Variants in GPR12 observed in about 807,000 individuals in gnomAD.
GPR12 encodes the protein G protein-coupled receptor 12.
In GPR12, 7 loss-of-function variants were observed where a neutral mutation model predicts 18.9. The ratio of observed to expected loss-of-function variants is 0.37; its 90% confidence interval spans 0.21 to 0.70. GPR12 has a LOEUF of 0.70. GPR12 is among the 30% of genes least tolerant of loss of function. The pLI, the probability that GPR12 is intolerant of heterozygous loss-of-function variation, is 0.54. For synonymous variants in GPR12, 201 were observed against 188.6 expected (o/e 1.07, Z -0.54); for missense variants, 327 against 427.7 (o/e 0.76, Z 2.08).
At position 26,756,634 on chromosome 13, in the gene GPR12, A is replaced by G. The variant is rs1414061046; in HGVS notation, c.*2189T>C. 6.6e-6 allele frequency: 1 copy of G among 152,212 alleles called. No homozygotes were observed. The highest frequency in any genetic ancestry group is 1.5e-5 in the Non-Finnish European group (1 of 68,052). The allele number at this position is 152,212 out of a possible 1,614,324, so 9.4% of individuals were successfully genotyped here. ...TAGACTTTGGAAAAGCTGGCTTCAAATTCTGACTCTATCCTTGTGCTTTGT... is the reference window on the plus strand; with the variant it reads ...TAGACTTTGGAAAAGCTGGCTTCAAGTTCTGACTCTATCCTTGTGCTTTGT... On this transcript the variant is annotated 3_prime_UTR_variant, in exon 2 of 2. Coordinates refer to ENST00000405846, the MANE Select transcript of GPR12 (RefSeq NM_005288.4).
chr13:26,760,036 CA>C, intron 1 of GPR12, 194 bp from the exon 2 acceptor site: 13 of 893,726 alleles, frequency 1.5e-5, no homozygotes, highest in Non-Finnish European at 1.9e-5. Context: ...AACCCCACAA[CA>C]AAAATGCCGT....
chr13:26,760,513 G>A (rs750396493), intron 1 of GPR12, 66 bp downstream of exon 1: 1 of 151,918 alleles, frequency 6.6e-6, no homozygotes, highest in African/African-American at 2.4e-5. Flanking sequence ...AGTCGGACGC[G>A]AGGGGGACAG....
chr13:26,760,774 G>T lies in GPR12; in HGVS notation c.-211C>A, dbSNP rs1302823083. 2 of 146,158 alleles carry T rather than the reference G, an allele frequency of 1.4e-5. No individual in the cohort carries two copies. Among genetic ancestry groups the T allele is most frequent in the African/African-American group, 2.5e-5 (1 of 40,682 alleles). The allele number at this position is 146,158 out of a possible 1,614,324, so 9.1% of individuals were successfully genotyped here. ...CAGGTGAGCAGCAGCCTCGGCTCGCGCGCCCAGCTTTCCCCGCCGCGCCCG... is the reference window on the plus strand; with the variant it reads ...CAGGTGAGCAGCAGCCTCGGCTCGCTCGCCCAGCTTTCCCCGCCGCGCCCG... On this transcript the variant is annotated 5_prime_UTR_variant, in exon 1 of 2. Transcript: ENST00000405846.
rs1405620887 is a variant in GPR12 at position 26,756,837 on chromosome 13, A to G, written c.*1986T>C. 2.0e-5 allele frequency: 3 copies of G among 152,208 alleles called. No homozygotes were observed. Among genetic ancestry groups the G allele is most frequent in the Non-Finnish European group, 4.4e-5 (3 of 68,034 alleles). 9.4% of individuals were successfully genotyped at this position (152,208 alleles called of 1,614,324 possible). A position where few individuals can be genotyped will look rare whatever the true frequency, so the allele number is the denominator to read the frequency against. ...CTATTGGAGATATGCAAATGGAGCC[A>G]CTATTTTTATAAAATCATCATTTAT... On this transcript the variant is annotated 3_prime_UTR_variant, in exon 2 of 2. Coordinates refer to ENST00000405846, the MANE Select transcript of GPR12 (RefSeq NM_005288.4).
At position 26,759,196 on chromosome 13, in the gene GPR12, G is replaced by A. The variant is rs375164643; in HGVS notation, c.632C>T (p.Ala211Val). 6.4e-5 allele frequency: 104 copies of A among 1,612,730 alleles called. No individual in the cohort carries two copies. Among genetic ancestry groups the A allele is most frequent in the Non-Finnish European group, 7.7e-5 (91 of 1,179,890 alleles). The change falls in exon 2 of 2, where the codon GCG becomes GTG. Residue 211 changes from alanine to valine, a missense_variant. Coordinates refer to ENST00000405846, the MANE Select transcript of GPR12 (RefSeq NM_005288.4). ...CTGGATGTAGAGCTGAAGCATGAGC[G>A]CAAACATGAAGAGGAAGGACACCGA... is the stretch of plus-strand genomic sequence containing the variant. ...ILSVSFLFMFALMLQLYIQIC... is the reference protein window; with the variant it reads ...ILSVSFLFMFVLMLQLYIQIC...
chr13:26,760,401 CG>C (rs1884461056), intron 1 of GPR12, 177 bp downstream of exon 1: 1 of 155,850 alleles, frequency 6.4e-6, no homozygotes, highest in Non-Finnish European at 1.5e-5. Context: ...ACGGGGCAGT[CG>C]GGAGGGCCAC....
In GPR12 at chr13:26,757,187, T is replaced by C. The variant is rs186440582; in HGVS notation, c.*1636A>G. 6.6e-6 allele frequency: 1 copy of C among 152,314 alleles called. No individual in the cohort carries two copies. The highest frequency in any genetic ancestry group is 2.4e-5 in the African/African-American group (1 of 41,564). The allele number at this position is 152,314 out of a possible 1,614,324, so 9.4% of individuals were successfully genotyped here. A position where few individuals can be genotyped will look rare whatever the true frequency, so the allele number is the denominator to read the frequency against. On this transcript the variant is annotated 3_prime_UTR_variant, in exon 2 of 2. Coordinates refer to ENST00000405846, the MANE Select transcript of GPR12 (RefSeq NM_005288.4). Reference sequence around the variant, plus strand: ...TTCACACGTGTGCTACATTAGAAGATGCTCTGGAGAGAAGGCATCAGCATG... The same window carrying C: ...TTCACACGTGTGCTACATTAGAAGACGCTCTGGAGAGAAGGCATCAGCATG...
chr13:26,759,755 T>C lies in GPR12; in HGVS notation c.73A>G (p.Ile25Val). 6.2e-7 allele frequency: 1 copy of C among 1,612,014 alleles called. No homozygotes were observed. The highest frequency in any genetic ancestry group is 8.5e-7 in the Non-Finnish European group (1 of 1,178,338). The change falls in exon 2 of 2, where the codon ATC (isoleucine) becomes GTC (valine). Residue 25 changes from isoleucine to valine, a missense_variant. Physicochemically the swap from Ile to Val is conservative, Grantham distance 29. Coordinates refer to ENST00000405846, the MANE Select transcript of GPR12 (RefSeq NM_005288.4). ...ACCCGGGAGGAGACAGCAGCCGAGA[T>C]GTTCTCCGCAGCAGCGGCATCTAAA... ...DYLDAAAAENISAAVSSRVPA... is the reference protein window; with the variant it reads ...DYLDAAAAENVSAAVSSRVPA...
rs1238461983 is a variant in GPR12 at position 26,758,024 on chromosome 13, T to A, written c.*799A>T. ...TAATCAATCCTACTTCATATGAAGA[T>A]CAAAACCTACTTCAGGATTCATTTT... On this transcript the variant is annotated 3_prime_UTR_variant, in exon 2 of 2. Coordinates refer to ENST00000405846, the MANE Select transcript of GPR12 (RefSeq NM_005288.4). 2 of 152,218 alleles carry A rather than the reference T, an allele frequency of 1.3e-5. No individual in the cohort carries two copies. Among genetic ancestry groups the A allele is most frequent in the East Asian group, 3.8e-4 (2 of 5,200 alleles). 9.4% of individuals were successfully genotyped at this position (152,218 alleles called of 1,614,324 possible). A position where few individuals can be genotyped will look rare whatever the true frequency, so the allele number is the denominator to read the frequency against.
chr13:26,758,633 A>G lies in GPR12; in HGVS notation c.*190T>C. 1.1e-6 allele frequency: 1 copy of G among 900,716 alleles called. No individual in the cohort carries two copies. The highest frequency in any genetic ancestry group is 3.0e-5 in the Admixed American group (1 of 32,932). The allele number at this position is 900,716 out of a possible 1,614,324, so 55.8% of individuals were successfully genotyped here. ...AGCTCAACAATTTTTTTTAATGGTG[A>G]AAACACTGGTAACATTATTTTCACT... On this transcript the variant is annotated 3_prime_UTR_variant, in exon 2 of 2. Transcript: ENST00000405846.
chr13:26,758,619 T>C lies in GPR12; in HGVS notation c.*204A>G. ...AATGTTGAGTGGAGAGCTCAACAATTTTTTTTAATGGTGAAAACACTGGTA... is the reference window on the plus strand; with the variant it reads ...AATGTTGAGTGGAGAGCTCAACAATCTTTTTTAATGGTGAAAACACTGGTA... On this transcript the variant is annotated 3_prime_UTR_variant, in exon 2 of 2. Coordinates refer to ENST00000405846, the MANE Select transcript of GPR12 (RefSeq NM_005288.4). 1.3e-6 allele frequency: 1 copy of C among 795,826 alleles called. No homozygotes were observed. Among genetic ancestry groups the C allele is most frequent in the South Asian group, 2.5e-5 (1 of 39,934 alleles). The allele number at this position is 795,826 out of a possible 1,614,324, so 49.3% of individuals were successfully genotyped here.
chr13:26,760,673 G>A lies in GPR12; in HGVS notation c.-110C>T, dbSNP rs11619858. On this transcript the variant is annotated 5_prime_UTR_variant, in exon 1 of 2. Coordinates refer to ENST00000405846, the MANE Select transcript of GPR12 (RefSeq NM_005288.4). ...CGGCGCAGTTGCCCGCTGTGGCAAG[G>A]GGGGGGCGGCCGGGCTCCGGAGCGG... 6.6e-6 allele frequency: 1 copy of A among 150,480 alleles called. No individual in the cohort carries two copies. The highest frequency in any genetic ancestry group is 2.4e-5 in the African/African-American group (1 of 41,072). The allele number at this position is 150,480 out of a possible 1,614,324, so 9.3% of individuals were successfully genotyped here.
chr13:26,757,974 G>T lies in GPR12; in HGVS notation c.*849C>A, dbSNP rs1355383619. The T allele has an allele frequency of 1.3e-5, 2 of 151,996 alleles. No homozygotes were observed. The highest frequency in any genetic ancestry group is 3.8e-4 in the East Asian group (2 of 5,198). 9.4% of individuals were successfully genotyped at this position (151,996 alleles called of 1,614,324 possible). The stretch of plus-strand genomic sequence containing the variant: ...GTTTTCTGAAAACAATCAGACAATA[G>T]CTTAAGAAACTACAATGGTGGATCT... On this transcript the variant is annotated 3_prime_UTR_variant, in exon 2 of 2. Coordinates refer to ENST00000405846, the MANE Select transcript of GPR12 (RefSeq NM_005288.4).
rs1285047552 is a variant in GPR12 at position 26,759,051 on chromosome 13, C to T, written c.777G>A (p.Thr259=). Residue 259 remains threonine, a synonymous_variant, in exon 2 of 2, where the codon ACG becomes ACA. Transcript: ENST00000405846. ...GVSTLAIILG[T]FAACWMPFTL... ...TGAAAGGCATCCAGCAAGCAGCAAA[C>T]GTCCCCAGGATGATAGCCAGGGTGG... The T allele has an allele frequency of 1.9e-6, 3 of 1,614,084 alleles. No homozygotes were observed. The highest frequency in any genetic ancestry group is 1.7e-6 in the Non-Finnish European group (2 of 1,180,022).
rs1263999705 is a variant in GPR12, at chr13:26,759,325, G to T, written c.503C>A (p.Ser168Tyr). ...YVMLVMLWGT[S>Y]ICLGLLPVMG... ...GACGGGCAGCAGCCCCAGGCAGATGGAGGTCCCCCAGAGCATGACGAGCAT... is the reference window on the plus strand; with the variant it reads ...GACGGGCAGCAGCCCCAGGCAGATGTAGGTCCCCCAGAGCATGACGAGCAT... The change falls in exon 2 of 2, where the codon TCC (serine) becomes TAC (tyrosine). Residue 168 changes from serine (S) to tyrosine (Y), a missense_variant. Transcript: ENST00000405846. 6.2e-7 allele frequency: 1 copy of T among 1,613,356 alleles called. No homozygotes were observed. Among genetic ancestry groups the T allele is most frequent in the South Asian group, 1.1e-5 (1 of 91,054 alleles).
Position 26,759,411 on chromosome 13 carries a change from G to A in GPR12, c.417C>T (p.Tyr139=), listed in dbSNP as rs754433694. 5 of 1,613,968 alleles carry A rather than the reference G, an allele frequency of 3.1e-6. No homozygotes were observed. The East Asian group carries it at 8.9e-5, about 29-fold the overall frequency. The change falls in exon 2 of 2, where the codon TAC becomes TAT. Residue 139 remains tyrosine (Y), a synonymous_variant. Coordinates refer to ENST00000405846, the MANE Select transcript of GPR12 (RefSeq NM_005288.4). ...ACGTCAGAGCGTAGTACAGTGAGAG[G>A]TAGCGGTCAACAGTGATAGCCAGCA... is the stretch of plus-strand genomic sequence containing the variant. ...CSLLAITVDR[Y]LSLYYALTYH...
Position 26,759,414 on chromosome 13 carries a change from G to A in GPR12, c.414C>T (p.Arg138=), listed in dbSNP as rs759804520. 1.2e-6 allele frequency: 2 copies of A among 1,614,098 alleles called. No homozygotes were observed. The highest frequency in any genetic ancestry group is 1.7e-6 in the Non-Finnish European group (2 of 1,180,032). ...VCSLLAITVD[R]YLSLYYALTY... ...TCAGAGCGTAGTACAGTGAGAGGTA[G>A]CGGTCAACAGTGATAGCCAGCAAGC... Residue 138 remains arginine (R), a synonymous_variant, in exon 2 of 2, where the codon CGC becomes CGT. Transcript: ENST00000405846.
At position 26,759,686 on chromosome 13, in the gene GPR12, C is replaced by T. The variant is rs770309419; in HGVS notation, c.142G>A (p.Asp48Asn). 6.2e-7 allele frequency: 1 copy of T among 1,614,048 alleles called. No individual in the cohort carries two copies. Among genetic ancestry groups the T allele is most frequent in the East Asian group, 2.2e-5 (1 of 44,866 alleles). Residue 48 changes from aspartate to asparagine, a missense_variant, in exon 2 of 2, where the codon GAC becomes AAC. By Grantham distance (23) the Asp-to-Asn change is conservative (BLOSUM62 1). Coordinates refer to ENST00000405846, the MANE Select transcript of GPR12 (RefSeq NM_005288.4). ...PEPELVVNPW[D>N]IVLCTSGTLI... ...GTTCCCGAGGTACACAAGACAATGT[C>T]CCAGGGGTTGACTACGAGCTCAGGC... is the stretch of plus-strand genomic sequence containing the variant.
Position 26,759,571 on chromosome 13 carries a change from A to G in GPR12, c.257T>C (p.Leu86Pro). The stretch of plus-strand genomic sequence containing the variant: ...GCCGGCCAGCAGGTCTGCAAGAGCC[A>G]GGCTGCCTATTAGCAGGAACATGGG... ...RAPMFLLIGS[L>P]ALADLLAGIG... Residue 86 changes from leucine to proline, a missense_variant, in exon 2 of 2, where the codon CTG becomes CCG. By Grantham distance (98) the Leu-to-Pro change is moderately conservative. Transcript: ENST00000405846. 6.2e-7 allele frequency: 1 copy of G among 1,614,238 alleles called. No individual in the cohort carries two copies. The highest frequency in any genetic ancestry group is 8.5e-7 in the Non-Finnish European group (1 of 1,180,044).
Sources: allele counts gnomAD v4.1 joint callset, GRCh38; gene constraint gnomAD v4.1.1; transcripts MANE v1.5; gene names NCBI Gene and HGNC (gene_info 2026-07-23, HGNC 2026-07-21).